The following CRPPA variants were observed in gnomAD, a reference collection of about 807,000 sequenced individuals.
CRPPA encodes the protein CDP-L-ribitol pyrophosphorylase A.
CRPPA carries 43 observed loss-of-function variants against 52.0 expected under a neutral mutation model. That is an observed-to-expected ratio of 0.83 (90% confidence interval 0.65 to 1.07). The LOEUF is 1.07. CRPPA is among the 50% of genes least tolerant of loss of function. The probability of loss-of-function intolerance (pLI) is 0.00; values close to 1 mark genes in which losing one functional copy is unlikely to be tolerated. For synonymous variants in CRPPA, 250 were observed against 203.5 expected (o/e 1.23, Z -1.94); for missense variants, 629 against 551.7 (o/e 1.14, Z -1.40).
intron 9 of CRPPA, among the ~76,000 whole-genome samples, chr7:16,183,068 T>C (rs775217996): frequency 3.5e-4 from 54 of 152,280 alleles, no homozygotes; most frequent in Middle Eastern, 6.8e-3. Flanking sequence ...ACCTCAAAGA[T>C]CTGGGGTAAC....
chr7:16,249,252 C>T (rs1783370668), intron 8 of CRPPA, among the ~76,000 whole-genome samples: 2 of 152,268 alleles, frequency 1.3e-5, no homozygotes, highest in South Asian at 4.2e-4. Context: ...ATAAAACCCC[C>T]ATCTCCCTGG....
chr7:16,273,998 T>C (rs113763599), intron 6 of CRPPA, among the ~76,000 whole-genome samples: 2 of 152,196 alleles, frequency 1.3e-5, no homozygotes, highest in South Asian at 2.1e-4. Flanking sequence ...CCCATTTCAG[T>C]ACTACTCCTG....
chr7:16,107,441 A>G (rs1170678142), intron 9 of CRPPA, among the ~76,000 whole-genome samples: 1 of 152,176 alleles, frequency 6.6e-6, no homozygotes, highest in Non-Finnish European at 1.5e-5. Context: ...GAAACCTTGT[A>G]TGCCAGGAGA....
intron 3 of CRPPA, among the ~76,000 whole-genome samples, chr7:16,309,793 A>G (rs1784995416): frequency 6.6e-6 from 1 of 152,148 alleles, no homozygotes; most frequent in African/African-American, 2.4e-5. Flanking sequence ...AGCTACTGAA[A>G]GAATATAAAA....
chr7:16,399,484 C>G (rs75440699), intron 2 of CRPPA, among the ~76,000 whole-genome samples: 1,924 of 143,266 alleles, frequency 0.013, 70 homozygotes, highest in South Asian at 0.11. Context: ...GACGTTTGAT[C>G]AACACATGTG....
chr7:16,328,761 C>T (rs1308661498), intron 3 of CRPPA, among the ~76,000 whole-genome samples: 1 of 152,090 alleles, frequency 6.6e-6, no homozygotes, highest in Non-Finnish European at 1.5e-5. Context: ...GTGATCCACC[C>T]GCCTCAGCCT....
At chr7:16,331,278 C>T (rs996324784) in intron 3 of CRPPA, among the ~76,000 whole-genome samples, 1 of 152,274 alleles carries the variant, frequency 6.6e-6, no homozygotes, top group African/African-American at 2.4e-5. Flanking sequence ...GGATTACAGG[C>T]GTGAGCCACT....
intron 4 of CRPPA, among the ~76,000 whole-genome samples, chr7:16,307,509 C>T (rs963433890): frequency 6.6e-6 from 1 of 151,648 alleles, no homozygotes; most frequent in African/African-American, 2.4e-5. Context: ...TGGTGAAACC[C>T]CGTCTCTACT....
chr7:16,298,661 T>G (rs1269326785), intron 5 of CRPPA, among the ~76,000 whole-genome samples: 2 of 152,230 alleles, frequency 1.3e-5, no homozygotes, highest in Non-Finnish European at 2.9e-5. Flanking sequence ...ATTTTATGTG[T>G]CAATTACATC....
intron 2 of CRPPA, among the ~76,000 whole-genome samples, chr7:16,384,936 T>C (rs568478603): frequency 5.9e-5 from 9 of 152,258 alleles, no homozygotes; most frequent in African/African-American, 1.7e-4. Context: ...TAGAGGAAAT[T>C]ACACTTAAAG....
intron 9 of CRPPA, among the ~76,000 whole-genome samples, chr7:16,094,749 T>G (rs1468385931): frequency 6.6e-6 from 1 of 152,060 alleles, no homozygotes; most frequent in African/African-American, 2.4e-5. Context: ...TATGTATTCC[T>G]CCCAAAAACC....
At chr7:16,267,885 T>C (rs949188893) in intron 6 of CRPPA, among the ~76,000 whole-genome samples, 22 of 152,252 alleles carry the variant, frequency 1.4e-4, no homozygotes, top group African/African-American at 5.1e-4. Context: ...CTATATAGCA[T>C]TTATATTGTA....
At chr7:16,358,837 T>G (rs960529705) in intron 3 of CRPPA, among the ~76,000 whole-genome samples, 1 of 152,220 alleles carries the variant, frequency 6.6e-6, no homozygotes, top group African/African-American at 2.4e-5. Context: ...AAATTGTCCA[T>G]ACAATGCAAA....
At chr7:16,386,961 A>C (rs1787285460) in intron 2 of CRPPA, among the ~76,000 whole-genome samples, 1 of 151,312 alleles carries the variant, frequency 6.6e-6, no homozygotes, top group African/African-American at 2.4e-5. Context: ...CAGAGGTTAC[A>C]GTGAGCTGAG....
chr7:16,380,346 G>A (rs1787046175), intron 2 of CRPPA, among the ~76,000 whole-genome samples: 1 of 151,988 alleles, frequency 6.6e-6, no homozygotes, highest in Admixed American at 6.6e-5. Context: ...AAGCCCACTT[G>A]ATCATGGTGG....
At chr7:16,354,624 T>C (rs1223249037) in intron 3 of CRPPA, among the ~76,000 whole-genome samples, 2 of 152,190 alleles carry the variant, frequency 1.3e-5, no homozygotes, top group African/African-American at 4.8e-5. Flanking sequence ...TTAGCTCTTC[T>C]GAGCAATGAT....
chr7:16,247,412 A>G (rs1783307449), intron 8 of CRPPA, among the ~76,000 whole-genome samples: 1 of 152,206 alleles, frequency 6.6e-6, no homozygotes, highest in South Asian at 2.1e-4. Context: ...CTCAAAGAGA[A>G]GGAGAGAGAT....
intron 8 of CRPPA, among the ~76,000 whole-genome samples, chr7:16,230,444 A>G (rs1044503849): frequency 2.6e-5 from 4 of 151,814 alleles, no homozygotes; most frequent in African/African-American, 9.7e-5. Flanking sequence ...TTTCACCTCC[A>G]GGATTTGATT....
chr7:16,148,087 T>C (rs1415267005), intron 9 of CRPPA, among the ~76,000 whole-genome samples: 4 of 152,312 alleles, frequency 2.6e-5, no homozygotes, highest in Middle Eastern at 3.4e-3. Context: ...TTTATATACA[T>C]ACCTTATTTC....
Sources: allele counts gnomAD v4.1 joint callset (sites outside exome capture counted in the v4.1 genomes callset), GRCh38; gene constraint gnomAD v4.1.1; transcripts MANE v1.5; gene names NCBI Gene and HGNC (gene_info 2026-07-23, HGNC 2026-07-21).